The following RSF1 variants were observed in gnomAD, a reference collection of about 807,000 sequenced individuals.
RSF1 encodes the protein remodeling and spacing factor 1, also known as HBV pX-associated protein 8.
RSF1 carries 13 observed loss-of-function variants against 145.2 expected under a neutral mutation model. The observed-to-expected ratio is 0.09, with a 90% CI of 0.06 to 0.14. The LOEUF is 0.14. Among genes scored for constraint, RSF1 ranks in the 10% least tolerant of loss-of-function variants. The probability of loss-of-function intolerance (pLI) is 1.00; values close to 1 mark genes in which losing one functional copy is unlikely to be tolerated. For synonymous variants in RSF1, 577 were observed against 592.6 expected (o/e 0.97, Z 0.38); for missense variants, 1,517 against 1,718.2 (o/e 0.88, Z 2.07).
intron 1 of RSF1, among the ~76,000 whole-genome samples, chr11:77,801,759 T>C (rs1383918022): frequency 2.6e-5 from 4 of 152,082 alleles, no homozygotes; most frequent in African/African-American, 7.2e-5. Context: ...CATGATTACA[T>C]GCCTAGAGCC....
At chr11:77,674,913 C>T (rs1402101282) in intron 14 of RSF1, 123 bp downstream of exon 14, 30 of 686,746 alleles carry the variant, frequency 4.4e-5, no homozygotes, top group Non-Finnish European at 3.1e-5. Flanking sequence ...GTAGGAGAAT[C>T]GCTTGAACCC....
At chr11:77,824,639 C>G (rs1189882255), upstream of RSF1, among the ~76,000 whole-genome samples, 8 of 152,134 alleles carry the variant, frequency 5.3e-5, no homozygotes, top group African/African-American at 1.9e-4. Flanking sequence ...AGGTACTGTA[C>G]AATTCCATCA....
the RSF1 span, chr11:77,841,331 T>A: frequency 1.5e-6 from 1 of 666,266 alleles, no homozygotes; most frequent in East Asian, 2.7e-5. Flanking sequence ...AATTCTCCCA[T>A]GCAATATGTG....
chr11:77,731,096 G>C (rs1315989526), intron 4 of RSF1, among the ~76,000 whole-genome samples: 1 of 152,170 alleles, frequency 6.6e-6, no homozygotes, highest in African/African-American at 2.4e-5. Flanking sequence ...GAACTTCCTA[G>C]AGACTTGTTG....
rs1959321392 is a variant in RSF1, at chr11:77,664,795, A to G, written c.*2122T>C. ...CTTAGCTGACTTGCAAATAAATAAA[A>G]CAAACCTAGCTGGAAAGGAGACTGT... On this transcript the variant is annotated 3_prime_UTR_variant, in exon 16 of 16. Coordinates refer to ENST00000308488, the MANE Select transcript of RSF1 (RefSeq NM_016578.4). The G allele has an allele frequency of 6.6e-6, 1 of 152,238 alleles. No homozygotes were observed. Among genetic ancestry groups the G allele is most frequent in the African/African-American group, 2.4e-5 (1 of 41,462 alleles). 9.4% of individuals were successfully genotyped at this position (152,238 alleles called of 1,614,324 possible).
Position 77,685,144 on chromosome 11 carries a change from C to G in RSF1, c.2916G>C (p.Val972=). ...TGTTTTCAATACTGATACCAACATA[C>G]ACCAAGCGTTCTTTTCTTTAGGTGA... is the stretch of plus-strand genomic sequence containing the variant. ...ERAERRKERL[V]YVGISIENII... is the part of the protein sequence containing the mutation. Residue 972 remains valine, a synonymous_variant, in exon 10 of 16, where the codon GTG becomes GTC. Coordinates refer to ENST00000308488, the MANE Select transcript of RSF1 (RefSeq NM_016578.4). 1 of 1,563,032 alleles carries G rather than the reference C, an allele frequency of 6.4e-7. No homozygotes were observed. The highest frequency in any genetic ancestry group is 1.4e-5 in the African/African-American group (1 of 72,802).
intron 1 of RSF1, among the ~76,000 whole-genome samples, chr11:77,784,192 G>C (rs1306595117): frequency 2.0e-5 from 3 of 152,084 alleles, no homozygotes; most frequent in African/African-American, 7.2e-5. Flanking sequence ...ATTATTTTCA[G>C]TTCTCTTTCT....
chr11:77,829,235 GAC>G, the RSF1 span, among the ~76,000 whole-genome samples: 1 of 152,184 alleles, frequency 6.6e-6, no homozygotes, highest in African/African-American at 2.4e-5. Context: ...GCCATGTGAA[GAC>G]ACAGAGAGAT....
At chr11:77,711,342 C>A (rs934201146) in intron 5 of RSF1, among the ~76,000 whole-genome samples, 1 of 151,962 alleles carries the variant, frequency 6.6e-6, no homozygotes, top group Non-Finnish European at 1.5e-5. Flanking sequence ...AATACTGATA[C>A]CATTACCAAT....
At chr11:77,716,850 C>G (rs1262853973) in intron 5 of RSF1, among the ~76,000 whole-genome samples, 1 of 152,084 alleles carries the variant, frequency 6.6e-6, no homozygotes, top group Non-Finnish European at 1.5e-5. Context: ...GACATTTCAC[C>G]ATAAATATAT....
At chr11:77,840,533 G>GA in the RSF1 span, among the ~76,000 whole-genome samples, 67 of 150,922 alleles carry the variant, frequency 4.4e-4, no homozygotes, top group East Asian at 0.011. Context: ...CATCTCAAAA[G>GA]AAAAAAAAGT....
At position 77,685,142 on chromosome 11, in the gene RSF1, T is replaced by C. The variant is rs769213590; in HGVS notation, c.2918A>G (p.Tyr973Cys). 1 of 1,564,722 alleles carries C rather than the reference T, an allele frequency of 6.4e-7. No individual in the cohort carries two copies. Among genetic ancestry groups the C allele is most frequent in the Non-Finnish European group, 8.7e-7 (1 of 1,155,676 alleles). Residue 973 changes from tyrosine (Y) to cysteine (C), a missense_variant, in exon 10 of 16, where the codon TAT becomes TGT. Tyr to Cys is a radical substitution (Grantham distance 194). Transcript: ENST00000308488. Reference sequence around the variant, plus strand: ...GATGTTTTCAATACTGATACCAACATACACCAAGCGTTCTTTTCTTTAGGT... The same window carrying C: ...GATGTTTTCAATACTGATACCAACACACACCAAGCGTTCTTTTCTTTAGGT... ...RAERRKERLV[Y>C]VGISIENIIP...
At chr11:77,865,835 G>A in the RSF1 span, among the ~76,000 whole-genome samples, 10 of 152,104 alleles carry the variant, frequency 6.6e-5, no homozygotes, top group South Asian at 2.1e-4. Context: ...CTTCTTTTGT[G>A]TATTCTAAAA....
intron 1 of RSF1, among the ~76,000 whole-genome samples, chr11:77,777,090 T>C (rs780195868): frequency 1.3e-5 from 2 of 152,100 alleles, no homozygotes; most frequent in East Asian, 3.8e-4. Context: ...TATAAATAAA[T>C]GAACAAGACT....
At chr11:77,679,778 T>G (rs1323506118) in intron 11 of RSF1, among the ~76,000 whole-genome samples, 1 of 152,042 alleles carries the variant, frequency 6.6e-6, no homozygotes, top group Non-Finnish European at 1.5e-5. Context: ...TGGTTAAAAT[T>G]TTAGAACTAG....
intron 1 of RSF1, among the ~76,000 whole-genome samples, chr11:77,780,368 ATC>A (rs1487759525): frequency 2.0e-5 from 3 of 152,238 alleles, no homozygotes; most frequent in East Asian, 1.9e-4. Context: ...AAAATAAAAT[ATC>A]TGTCTTCAGG....
intron 5 of RSF1, among the ~76,000 whole-genome samples, chr11:77,709,997 G>A (rs1291802345): frequency 6.6e-6 from 1 of 152,126 alleles, no homozygotes; most frequent in Non-Finnish European, 1.5e-5. Flanking sequence ...TAATGATTAA[G>A]TATAGCAAAG....
chr11:77,812,766 T>C (rs1447646981), intron 1 of RSF1, among the ~76,000 whole-genome samples: 1 of 151,842 alleles, frequency 6.6e-6, no homozygotes, highest in Non-Finnish European at 1.5e-5. Flanking sequence ...GGCGGGCACC[T>C]GTAGTCCCAG....
At position 77,740,655 on chromosome 11, in the gene RSF1, A is replaced by G. The variant is rs2135910322; in HGVS notation, c.578+76T>C. The G allele has an allele frequency of 6.5e-6, 9 of 1,378,260 alleles. No homozygotes were observed. The South Asian group carries it at 7.2e-5, about 11-fold the overall frequency. 85.4% of individuals were successfully genotyped at this position (1,378,260 alleles called of 1,614,324 possible). ...ACAAAAAACCACTTCTGTCTGATAG[A>G]TAACATCCTAGTTTTGAAACGAGAT... On this transcript the variant is annotated intron_variant, in intron 4 of 15. Coordinates refer to ENST00000308488, the MANE Select transcript of RSF1 (RefSeq NM_016578.4).
Sources: allele counts gnomAD v4.1 joint callset (sites outside exome capture counted in the v4.1 genomes callset), GRCh38; gene constraint gnomAD v4.1.1; transcripts MANE v1.5; gene names NCBI Gene and HGNC (gene_info 2026-07-23, HGNC 2026-07-21).